The following CHCHD3 variants were observed in gnomAD, a reference collection of about 807,000 sequenced individuals.
The protein encoded by CHCHD3 is MICOS complex subunit MIC19.
A neutral mutation model predicts 38.2 loss-of-function variants in CHCHD3; 20 were observed. The ratio of observed to expected loss-of-function variants is 0.52; its 90% CI spans 0.37 to 0.76. CHCHD3 has a LOEUF of 0.76. Among genes scored for constraint, CHCHD3 ranks in the 30% least tolerant of loss-of-function variants. The probability of loss-of-function intolerance (pLI) is 0.00; values close to 1 mark genes in which losing one functional copy is unlikely to be tolerated. For synonymous variants in CHCHD3, 82 were observed against 100.0 expected, an observed-to-expected ratio of 0.82 and a Z score of 1.07; for missense variants, 245 against 279.2, an observed-to-expected ratio of 0.88 and a Z score of 0.87.
At position 132,818,428 on chromosome 7, in the gene CHCHD3, G is replaced by A. The variant is rs540083622; in HGVS notation, c.524+19971C>T. 2.8e-4 allele frequency among the ~76,000 whole-genome samples: 43 copies of A among 152,262 alleles called. 1 individual carries two copies. Among genetic ancestry groups the A allele is most frequent in the South Asian group, 2.7e-3 (13 of 4,818 alleles). On this transcript the variant is annotated intron_variant, in intron 6 of 7. Coordinates refer to ENST00000262570, the MANE Select transcript of CHCHD3 (RefSeq NM_017812.4). ...GGTTCTCTTATCCTTAAAGTACACA[G>A]GAATTTTCTCCTCTATGTCTTAGTT... is the stretch of plus-strand genomic sequence containing the variant.
chr7:132,985,266 G>A (rs1218197192), intron 3 of CHCHD3, among the ~76,000 whole-genome samples: 4 of 68,266 alleles, frequency 5.9e-5, no homozygotes, highest in Non-Finnish European at 6.0e-5. Context: ...TCAGCCCCCC[G>A]CCCGGCCAGC....
At chr7:132,826,232 A>C (rs1382318146) in intron 6 of CHCHD3, among the ~76,000 whole-genome samples, 2 of 152,196 alleles carry the variant, frequency 1.3e-5, no homozygotes, top group African/African-American at 4.8e-5. Flanking sequence ...AAAATTAAAA[A>C]TCTCACCACA....
intron 5 of CHCHD3, among the ~76,000 whole-genome samples, chr7:132,864,922 AAATACAAT>A (rs564490306): frequency 3.9e-5 from 6 of 152,222 alleles, no homozygotes; most frequent in Admixed American, 6.5e-5. Flanking sequence ...CACTATTTTC[AAATACAAT>A]GTCAGCACGA....
chr7:132,930,971 T>C (rs1335081634), intron 4 of CHCHD3, among the ~76,000 whole-genome samples: 1 of 152,214 alleles, frequency 6.6e-6, no homozygotes, highest in Non-Finnish European at 1.5e-5. Context: ...TCTATCTATA[T>C]GCAGGTATCA....
chr7:133,081,676 C>G (rs2117562153), intron 1 of CHCHD3, among the ~76,000 whole-genome samples, 181 bp downstream of exon 1: 1 of 152,362 alleles, frequency 6.6e-6, no homozygotes, highest in South Asian at 2.1e-4. Context: ...CAACCAGGAA[C>G]TATCTCTGAA....
intron 4 of CHCHD3, chr7:132,973,342 T>C (rs568485094): frequency 1.0e-6 from 1 of 985,414 alleles, no homozygotes; most frequent in South Asian, 4.7e-5. Context: ...GCTTCCAAAT[T>C]TGGAGACTTT....
intron 4 of CHCHD3, among the ~76,000 whole-genome samples, chr7:132,896,105 G>C (rs985211160): frequency 1.2e-4 from 18 of 152,192 alleles, no homozygotes; most frequent in African/African-American, 4.3e-4. Context: ...GGGTTGAATT[G>C]CAAAGGCGTA....
At chr7:132,945,363 G>A (rs942508531) in intron 4 of CHCHD3, among the ~76,000 whole-genome samples, 14 of 151,902 alleles carry the variant, frequency 9.2e-5, no homozygotes, top group Non-Finnish European at 1.9e-4. Context: ...CTTTATTTTT[G>A]TGGTAAATAA....
chr7:132,996,709 TGGAAGAGATAAGCAAAG>T (rs1275477159), intron 3 of CHCHD3, among the ~76,000 whole-genome samples: 1 of 152,028 alleles, frequency 6.6e-6, no homozygotes. Context: ...CAACCTAATG[TGGAAGAGATAAGCAAAG>T]GGAAGAGGCA....
chr7:132,893,488 T>C (rs779240445), intron 4 of CHCHD3, among the ~76,000 whole-genome samples: 2 of 152,336 alleles, frequency 1.3e-5, no homozygotes, highest in Non-Finnish European at 2.9e-5. Flanking sequence ...GGGTTAATGC[T>C]TGAATGAGTT....
chr7:132,823,546 A>G (rs1391486272), intron 6 of CHCHD3, among the ~76,000 whole-genome samples: 4 of 152,230 alleles, frequency 2.6e-5, no homozygotes, highest in Admixed American at 6.5e-5. Context: ...TTTTCGCTAC[A>G]GTAAGTCTCC....
chr7:132,794,628 T>C (rs1456562978), intron 7 of CHCHD3, among the ~76,000 whole-genome samples: 3 of 152,130 alleles, frequency 2.0e-5, no homozygotes, highest in South Asian at 2.1e-4. Context: ...ACGAAAACAA[T>C]AGATACTCCA....
intron 4 of CHCHD3, among the ~76,000 whole-genome samples, chr7:132,891,937 G>C (rs1014713245): frequency 6.6e-6 from 1 of 152,186 alleles, no homozygotes; most frequent in Admixed American, 6.5e-5. Context: ...CACCATGATT[G>C]TAAGTTTCCT....
At position 132,867,246 on chromosome 7, in the gene CHCHD3, A is replaced by G. The variant is rs1808656324; in HGVS notation, c.453+18416T>C. Among the ~76,000 whole-genome samples, 3 of 152,216 alleles carry G rather than the reference A, an allele frequency of 2.0e-5. No homozygotes were observed. In the South Asian group the frequency reaches 6.2e-4, roughly 31 times the overall value. On this transcript the variant is annotated intron_variant, in intron 5 of 7. Transcript: ENST00000262570. ...AATATTTATGAAATGAACAACTACT[A>G]GTGCAAAAAATAACACTAAAAAATA...
intron 6 of CHCHD3, among the ~76,000 whole-genome samples, chr7:132,834,337 A>T (rs749600516): frequency 1.3e-5 from 2 of 152,178 alleles, no homozygotes; most frequent in African/African-American, 2.4e-5. Context: ...ACATTCTAGG[A>T]AGCTCAGCCT....
At chr7:132,874,170 T>C (rs1808836931) in intron 5 of CHCHD3, among the ~76,000 whole-genome samples, 1 of 152,196 alleles carries the variant, frequency 6.6e-6, no homozygotes, top group Admixed American at 6.5e-5. Context: ...ACAAGGTCCC[T>C]GCTTTTATAG....
At chr7:132,819,416 C>G (rs576006177) in intron 6 of CHCHD3, among the ~76,000 whole-genome samples, 1 of 151,588 alleles carries the variant, frequency 6.6e-6, no homozygotes, top group Admixed American at 6.6e-5. Flanking sequence ...TTTCTTTTTG[C>G]TTTTTTTGTT....
At position 132,827,828 on chromosome 7, in the gene CHCHD3, TC is replaced by T. The variant is rs1807544576; in HGVS notation, c.524+10570del. The stretch of plus-strand genomic sequence containing the variant: ...TGTGTACCATGATGTTTGAGATCCA[TC>T]CGTGCTGTTACATGTATCGATAGTT... On this transcript the variant is annotated intron_variant, in intron 6 of 7. Coordinates refer to ENST00000262570, the MANE Select transcript of CHCHD3 (RefSeq NM_017812.4). Among the ~76,000 whole-genome samples the T allele has an allele frequency of 2.6e-5, 4 of 152,340 alleles. No homozygotes were observed. In the South Asian group the frequency reaches 8.3e-4, roughly 32 times the overall value.
chr7:132,792,956 T>C (rs1806501838), intron 7 of CHCHD3, among the ~76,000 whole-genome samples: 1 of 152,136 alleles, frequency 6.6e-6, no homozygotes, highest in Non-Finnish European at 1.5e-5. Context: ...AAGTAAATAG[T>C]AGAGAGGTGG....
Sources: allele counts gnomAD v4.1 joint callset (sites outside exome capture counted in the v4.1 genomes callset), GRCh38; gene constraint gnomAD v4.1.1; transcripts MANE v1.5; gene names NCBI Gene and HGNC (gene_info 2026-07-23, HGNC 2026-07-21).